Variants in ZNRD2 observed in about 807,000 individuals in gnomAD.
The protein encoded by ZNRD2 is protein ZNRD2.
In ZNRD2, 16 loss-of-function variants were observed where a neutral mutation model predicts 22.0. The observed-to-expected ratio is 0.73, with a 90% CI of 0.49 to 1.11. ZNRD2 has a LOEUF of 1.11. Ranked by LOEUF, ZNRD2 falls within the 50% of genes least tolerant of loss-of-function variation. The pLI is 0.00. For missense variants in ZNRD2, 269 were observed against 258.9 expected, an observed-to-expected ratio of 1.04 and a Z score of -0.27; for synonymous variants, 105 against 109.8, an observed-to-expected ratio of 0.96 and a Z score of 0.27.
chr11:65,570,631 C>T lies in ZNRD2; in HGVS notation c.47C>T (p.Pro16Leu), dbSNP rs1297968489. The T allele has an allele frequency of 1.2e-6, 2 of 1,613,904 alleles. No homozygotes were observed. Among genetic ancestry groups the T allele is most frequent in the Admixed American group, 1.7e-5 (1 of 60,034 alleles). ...GTCGACGACTTCTCCTGGGAGCCCC[C>T]GACTGAGGCGGAGACGAAGGTGCTG... ...AEVDDFSWEP[P>L]TEAETKVLQA... is the part of the protein sequence containing the mutation. The change falls in exon 2 of 4, where the codon CCG (proline) becomes CTG (leucine). Residue 16 changes from proline (P) to leucine (L), a missense_variant. By Grantham distance (98) the Pro-to-Leu change is moderately conservative. Transcript: ENST00000309328.
chr11:65,570,672 C>A lies in ZNRD2; in HGVS notation c.88C>A (p.Arg30=), dbSNP rs776448463. The change falls in exon 2 of 4, where the codon CGG becomes AGG. Residue 30 remains arginine (R), a synonymous_variant. Transcript: ENST00000309328. ...ETKVLQARRE[R]QDRISRLMGD... Reference sequence around the variant, plus strand: ...GAAGGTGCTGCAGGCGCGACGGGAGCGGCAAGATCGCATCTCCCGGCTCAT... The same window carrying A: ...GAAGGTGCTGCAGGCGCGACGGGAGAGGCAAGATCGCATCTCCCGGCTCAT... 1 of 1,613,826 alleles carries A rather than the reference C, an allele frequency of 6.2e-7. No homozygotes were observed. Among genetic ancestry groups the A allele is most frequent in the Non-Finnish European group, 8.5e-7 (1 of 1,179,974 alleles).
chr11:65,570,881 C>A lies in ZNRD2; in HGVS notation c.172-5C>A. ...TTCCGGCCCCGTGTGCTTTTTGGTCCGTAGACGATCCTCCTCCAAGACAAA... is the reference window on the plus strand; with the variant it reads ...TTCCGGCCCCGTGTGCTTTTTGGTCAGTAGACGATCCTCCTCCAAGACAAA... On this transcript the variant is annotated splice_region_variant and splice_polypyrimidine_tract_variant and intron_variant, in intron 2 of 3. Transcript: ENST00000309328. 3.1e-6 allele frequency: 5 copies of A among 1,614,074 alleles called. No individual in the cohort carries two copies. The highest frequency in any genetic ancestry group is 4.2e-6 in the Non-Finnish European group (5 of 1,179,984).
intron 3 of ZNRD2, 48 bp downstream of exon 3, chr11:65,571,018 G>T (rs946749575): frequency 8.9e-6 from 14 of 1,568,272 alleles, no homozygotes; most frequent in Middle Eastern, 1.8e-4. Context: ...TGCTTAGGGG[G>T]GAAGCGTGGT....
In ZNRD2 at chr11:65,570,761, G is replaced by T. The variant is rs750869393; in HGVS notation, c.171+6G>T. On this transcript the variant is annotated splice_donor_region_variant and intron_variant, in intron 2 of 3. Transcript: ENST00000309328. ...AGACGTGTGCGGACTGCGGGGTGAGGCGAGACTCGGGCGAGTGACCGGGGA... is the reference window on the plus strand; with the variant it reads ...AGACGTGTGCGGACTGCGGGGTGAGTCGAGACTCGGGCGAGTGACCGGGGA... 2 of 1,613,412 alleles carry T rather than the reference G, an allele frequency of 1.2e-6. No homozygotes were observed. Among genetic ancestry groups the T allele is most frequent in the Admixed American group, 3.3e-5 (2 of 59,980 alleles).
At chr11:65,570,565 T>A in intron 1 of ZNRD2, 39 bp from the exon 2 acceptor site, 1 of 1,613,832 alleles carries the variant, frequency 6.2e-7, no homozygotes, top group Non-Finnish European at 8.5e-7. Flanking sequence ...GGCAGCCCAC[T>A]CCGGCAAGAC....
chr11:65,570,821 G>A (rs774430035), intron 2 of ZNRD2, 65 bp from the exon 3 acceptor site: 98 of 1,612,562 alleles, frequency 6.1e-5, no homozygotes, highest in Non-Finnish European at 7.7e-5. Flanking sequence ...GCCCTTCCCC[G>A]GCCCTCCCCT....
chr11:65,570,912 G>A lies in ZNRD2; in HGVS notation c.198G>A (p.Arg66=). The A allele has an allele frequency of 1.9e-6, 3 of 1,614,176 alleles. No homozygotes were observed. Among genetic ancestry groups the A allele is most frequent in the Non-Finnish European group, 1.7e-6 (2 of 1,180,032 alleles). The change falls in exon 3 of 4, where the codon CGG becomes CGA. Residue 66 remains arginine, a synonymous_variant. Transcript: ENST00000309328. ...CGATCCTCCTCCAAGACAAACAGCG[G>A]AAAATCTACTGCGTGGCTTGTCAGG... ...CGTILLQDKQ[R]KIYCVACQEL...
In ZNRD2 at chr11:65,571,408, G is replaced by C; in HGVS notation, c.274G>C (p.Ala92Pro). ...CTTTTTAGCTCTGAATGCCCAGGCT[G>C]CCCTCTCCCAAGCTCGGGAGCACCA... Reference protein sequence around the residue: ...KDNPALNAQAALSQAREHQLA... With the variant: ...KDNPALNAQAPLSQAREHQLA... The change falls in exon 4 of 4, where the codon GCC (alanine) becomes CCC (proline). Residue 92 changes from alanine (A) to proline (P), a missense_variant. Transcript: ENST00000309328. 6.2e-7 allele frequency: 1 copy of C among 1,601,460 alleles called. No individual in the cohort carries two copies. Among genetic ancestry groups the C allele is most frequent in the Non-Finnish European group, 8.5e-7 (1 of 1,171,722 alleles).
rs1192432418 is a variant in ZNRD2 at position 65,570,584 on chromosome 11, C to T, written c.20-20C>T. The T allele has an allele frequency of 6.2e-7, 1 of 1,613,944 alleles. No individual in the cohort carries two copies. The highest frequency in any genetic ancestry group is 8.5e-7 in the Non-Finnish European group (1 of 1,179,990). On this transcript the variant is annotated intron_variant, in intron 1 of 3. Transcript: ENST00000309328. The stretch of plus-strand genomic sequence containing the variant: ...GCCCACTCCGGCAAGACCCCCAGTC[C>T]CTATGCCTCTCTTCCCCAGAAGTCG...
rs1857113803 is a variant in ZNRD2 at position 65,570,968 on chromosome 11, C to T, written c.254C>T (p.Pro85Leu). ...GACTCAGACGTGGATAAAGATAATC[C>T]CGGTAAGAGTAAAAAATAATCCGGG... ...ELDSDVDKDN[P>L]ALNAQAALSQ... is the part of the protein sequence containing the mutation. Residue 85 changes from proline to leucine, a missense_variant and splice_region_variant, in exon 3 of 4, where the codon CCC becomes CTC. Coordinates refer to ENST00000309328, the MANE Select transcript of ZNRD2 (RefSeq NM_006396.3). The T allele has an allele frequency of 6.2e-7, 1 of 1,613,720 alleles. No individual in the cohort carries two copies. Among genetic ancestry groups the T allele is most frequent in the African/African-American group, 1.3e-5 (1 of 74,886 alleles).
intron 3 of ZNRD2, among the ~76,000 whole-genome samples, 183 bp downstream of exon 3, chr11:65,571,153 C>T (rs1044586162): frequency 2.0e-5 from 3 of 152,058 alleles, no homozygotes; most frequent in Admixed American, 6.6e-5. Context: ...ATAAGAGCAC[C>T]AAGCACCTCC....
At position 65,571,400 on chromosome 11, in the gene ZNRD2, C is replaced by T; in HGVS notation, c.266C>T (p.Ala89Val). 6.3e-7 allele frequency: 1 copy of T among 1,592,042 alleles called. No individual in the cohort carries two copies. Among genetic ancestry groups the T allele is most frequent in the Non-Finnish European group, 8.6e-7 (1 of 1,166,580 alleles). Residue 89 changes from alanine to valine, a missense_variant, in exon 4 of 4, where the codon GCC becomes GTC. Coordinates refer to ENST00000309328, the MANE Select transcript of ZNRD2 (RefSeq NM_006396.3). ...DVDKDNPALN[A>V]QAALSQAREH... ...TTTCTCCTCTTTTTAGCTCTGAATGCCCAGGCTGCCCTCTCCCAAGCTCGG... is the reference window on the plus strand; with the variant it reads ...TTTCTCCTCTTTTTAGCTCTGAATGTCCAGGCTGCCCTCTCCCAAGCTCGG...
At chr11:65,571,261 G>T (rs1332533229) in intron 3 of ZNRD2, 130 bp from the exon 4 acceptor site, 2 of 1,178,904 alleles carry the variant, frequency 1.7e-6, no homozygotes, top group Non-Finnish European at 2.3e-6. Flanking sequence ...GTAGAAAGTG[G>T]ATGAGTTGCC....
At position 65,571,754 on chromosome 11, in the gene ZNRD2, C is replaced by T. The variant is rs754617736; in HGVS notation, c.*20C>T. 6.4e-7 allele frequency: 1 copy of T among 1,559,410 alleles called. No individual in the cohort carries two copies. Among genetic ancestry groups the T allele is most frequent in the South Asian group, 1.2e-5 (1 of 84,714 alleles). On this transcript the variant is annotated 3_prime_UTR_variant, in exon 4 of 4. Coordinates refer to ENST00000309328, the MANE Select transcript of ZNRD2 (RefSeq NM_006396.3). ...CACTAAGAGAAGCCCCTGAGAAAAACCCTCTAGAAAAACAGCTGTTCCTCT... is the reference window on the plus strand; with the variant it reads ...CACTAAGAGAAGCCCCTGAGAAAAATCCTCTAGAAAAACAGCTGTTCCTCT...
chr11:65,571,679 G>A lies in ZNRD2; in HGVS notation c.545G>A (p.Gly182Asp). ...TSLETSIQLC[G>D]LIRACAEALR... ...CTGGAGACTAGCATCCAGCTGTGTG[G>A]CCTTATCCGCGCATGTGCGGAGGCC... The change falls in exon 4 of 4, where the codon GGC becomes GAC. Residue 182 changes from glycine (G) to aspartate (D), a missense_variant. Transcript: ENST00000309328. 1 of 1,613,896 alleles carries A rather than the reference G, an allele frequency of 6.2e-7. No individual in the cohort carries two copies. Among genetic ancestry groups the A allele is most frequent in the Non-Finnish European group, 8.5e-7 (1 of 1,179,960 alleles).
intron 3 of ZNRD2, 76 bp downstream of exon 3, chr11:65,571,046 C>T: frequency 7.2e-7 from 1 of 1,382,148 alleles, no homozygotes; most frequent in Non-Finnish European, 1.0e-6. Context: ...TGATAGAGGC[C>T]CGAGAACAGT....
Position 65,571,721 on chromosome 11 carries a change from A to C in ZNRD2, c.587A>C (p.Gln196Pro). ...ACAEALRSLQQLQH is the reference protein window; with the variant it reads ...ACAEALRSLQPLQH ...GCGGAGGCCCTGCGCAGCCTGCAGC[A>C]GCTACAGCACTAAGAGAAGCCCCTG... The change falls in exon 4 of 4, where the codon CAG (glutamine) becomes CCG (proline). Residue 196 changes from glutamine (Q) to proline (P), a missense_variant. By Grantham distance (76) the Gln-to-Pro change is moderately conservative. Coordinates refer to ENST00000309328, the MANE Select transcript of ZNRD2 (RefSeq NM_006396.3). 1 of 1,609,650 alleles carries C rather than the reference A, an allele frequency of 6.2e-7. No individual in the cohort carries two copies. The highest frequency in any genetic ancestry group is 8.5e-7 in the Non-Finnish European group (1 of 1,177,514).
At position 65,571,776 on chromosome 11, in the gene ZNRD2, C is replaced by T. The variant is rs776838305; in HGVS notation, c.*42C>T. The T allele has an allele frequency of 8.6e-6, 13 of 1,509,056 alleles. No homozygotes were observed. The South Asian group carries it at 9.1e-5, about 11-fold the overall frequency. The allele number at this position is 1,509,056 out of a possible 1,614,324, so 93.5% of individuals were successfully genotyped here. A position where few individuals can be genotyped will look rare whatever the true frequency, so the allele number is the denominator to read the frequency against. On this transcript the variant is annotated 3_prime_UTR_variant, in exon 4 of 4. Transcript: ENST00000309328. ...AAACCCTCTAGAAAAACAGCTGTTCCTCTGTGTGGTTTGTTTTTTTCCTGG... is the reference window on the plus strand; with the variant it reads ...AAACCCTCTAGAAAAACAGCTGTTCTTCTGTGTGGTTTGTTTTTTTCCTGG...
At position 65,571,394 on chromosome 11, in the gene ZNRD2, T is replaced by C. The variant is rs377017092; in HGVS notation, c.260T>C (p.Leu87Pro). Residue 87 changes from leucine to proline, a missense_variant, in exon 4 of 4, where the codon CTG (leucine) becomes CCG (proline). Transcript: ENST00000309328. ...ACCCACTTTCTCCTCTTTTTAGCTC[T>C]GAATGCCCAGGCTGCCCTCTCCCAA... ...DSDVDKDNPA[L>P]NAQAALSQAR... is the part of the protein sequence containing the mutation. The C allele has an allele frequency of 1.9e-6, 3 of 1,589,426 alleles. No homozygotes were observed. Among genetic ancestry groups the C allele is most frequent in the Non-Finnish European group, 2.6e-6 (3 of 1,165,176 alleles).
Sources: gnomAD v4.1 joint callset for allele counts (sites outside exome capture counted in the v4.1 genomes callset) on GRCh38, gnomAD v4.1.1 for gene constraint, MANE v1.5 for transcripts, NCBI Gene and HGNC (gene_info 2026-07-23, HGNC 2026-07-21) for gene names.